Variants in GLRA3 observed in about 807,000 individuals in gnomAD.
The protein encoded by GLRA3 is glycine receptor subunit alpha-3.
GLRA3 carries 44 observed loss-of-function variants against 60.4 expected under a neutral mutation model. The observed-to-expected ratio is 0.73, with a 90% confidence interval of 0.57 to 0.94. GLRA3 has a LOEUF of 0.94. Among genes scored for constraint, GLRA3 ranks in the 40% least tolerant of loss-of-function variants. The probability of loss-of-function intolerance (pLI) is 0.00; values close to 1 mark genes in which losing one functional copy is unlikely to be tolerated. For synonymous variants in GLRA3, 223 were observed against 192.9 expected, an observed-to-expected ratio of 1.16 and a Z score of -1.29; for missense variants, 508 against 564.6, an observed-to-expected ratio of 0.90 and a Z score of 1.02.
At chr4:174,647,515 G>A (rs1732872613) in intron 9 of GLRA3, among the ~76,000 whole-genome samples, 1 of 151,914 alleles carries the variant, frequency 6.6e-6, no homozygotes, top group South Asian at 2.1e-4. Context: ...CAAAAGCCCA[G>A]TTGGTACTTG....
chr4:174,688,162 T>C (rs1734621410), intron 5 of GLRA3, among the ~76,000 whole-genome samples: 1 of 151,562 alleles, frequency 6.6e-6, no homozygotes, highest in Non-Finnish European at 1.5e-5. Context: ...TCTAAGTCAC[T>C]GACAAGTAGC....
chr4:174,699,855 CATTA>C (rs1489915272), intron 5 of GLRA3, among the ~76,000 whole-genome samples: 2 of 150,098 alleles, frequency 1.3e-5, no homozygotes, highest in Non-Finnish European at 3.0e-5. Flanking sequence ...ATAATTAATG[CATTA>C]ATTATTTAAT....
intron 9 of GLRA3, among the ~76,000 whole-genome samples, chr4:174,650,233 T>C (rs1218982459): frequency 6.6e-6 from 1 of 152,190 alleles, no homozygotes; most frequent in Non-Finnish European, 1.5e-5. Context: ...TGTGGCACTG[T>C]TAAAATTTGG....
At chr4:174,670,388 T>C (rs1252620441) in intron 7 of GLRA3, among the ~76,000 whole-genome samples, 1 of 152,140 alleles carries the variant, frequency 6.6e-6, no homozygotes, top group Non-Finnish European at 1.5e-5. Flanking sequence ...GTAAAGGTGT[T>C]TGTTTTACTC....
At chr4:174,826,471 A>T (rs984724007) in intron 1 of GLRA3, among the ~76,000 whole-genome samples, 2 of 152,158 alleles carry the variant, frequency 1.3e-5, no homozygotes, top group Non-Finnish European at 2.9e-5. Context: ...TGACAGTCAC[A>T]CTTCTACTTG....
chr4:174,664,023 C>T (rs1451884222), intron 7 of GLRA3, among the ~76,000 whole-genome samples: 1 of 152,160 alleles, frequency 6.6e-6, no homozygotes, highest in Non-Finnish European at 1.5e-5. Context: ...ACCTTTGTCC[C>T]AGAAACCACT....
At chr4:174,741,468 A>C (rs6851854) in intron 3 of GLRA3, among the ~76,000 whole-genome samples, 22,630 of 152,076 alleles carry the variant, frequency 0.15, 2,116 homozygotes, top group African/African-American at 0.27. Flanking sequence ...CTTTATAACT[A>C]TTCTGGATAC....
At chr4:174,647,458 A>C (rs1358584061) in intron 9 of GLRA3, among the ~76,000 whole-genome samples, 1 of 146,010 alleles carries the variant, frequency 6.8e-6, no homozygotes, top group Non-Finnish European at 1.5e-5. Context: ...GGAAAGAGAC[A>C]CAGCCAGTAA....
chr4:174,675,418 C>T (rs1297521636), intron 7 of GLRA3, among the ~76,000 whole-genome samples: 28 of 151,976 alleles, frequency 1.8e-4, no homozygotes, highest in Admixed American at 1.5e-3. Flanking sequence ...TCCATGCTCC[C>T]CCAATTCTAC....
rs553306775 is a variant in GLRA3 at position 174,689,756 on chromosome 4, T to TAAAAAAAAA, written c.575-6826_575-6818dup. On this transcript the variant is annotated intron_variant, in intron 5 of 9. Coordinates refer to ENST00000274093, the MANE Select transcript of GLRA3 (RefSeq NM_006529.4). ...AAAGGCACAGAGTGGTAAGTCGCAT[T>TAAAAAAAAA]AAAAAAAAAAAAAAAAAAAAAAAAA... 4.6e-4 allele frequency among the ~76,000 whole-genome samples: 18 copies of TAAAAAAAAA among 39,540 alleles called. 1 individual carries two copies. Among genetic ancestry groups the TAAAAAAAAA allele is most frequent in the African/African-American group, 8.5e-4 (8 of 9,364 alleles). 25.9% of individuals were successfully genotyped at this position (39,540 alleles called of 152,430 possible).
chr4:174,792,699 T>C (rs764844783), intron 1 of GLRA3, among the ~76,000 whole-genome samples: 6 of 152,192 alleles, frequency 3.9e-5, no homozygotes, highest in Non-Finnish European at 2.9e-5. Context: ...AAAAAATGAC[T>C]CTAAATGTTT....
At chr4:174,792,345 A>G (rs912734191) in intron 1 of GLRA3, among the ~76,000 whole-genome samples, 1 of 151,698 alleles carries the variant, frequency 6.6e-6, no homozygotes, top group African/African-American at 2.4e-5. Context: ...GTTTTTTTTT[A>G]ATGATCTTTT....
At chr4:174,671,906 C>T (rs1733923108) in intron 7 of GLRA3, among the ~76,000 whole-genome samples, 1 of 152,152 alleles carries the variant, frequency 6.6e-6, no homozygotes, top group Non-Finnish European at 1.5e-5. Context: ...CCGCTTCTGC[C>T]TCCCAAAGTG....
rs925757863 is a variant in GLRA3, at chr4:174,670,027, C to G, written c.927+7051G>C. Among the ~76,000 whole-genome samples, 4 of 152,314 alleles carry G rather than the reference C, an allele frequency of 2.6e-5. No homozygotes were observed. In the East Asian group the frequency reaches 7.7e-4, roughly 29 times the overall value. On this transcript the variant is annotated intron_variant, in intron 7 of 9. Coordinates refer to ENST00000274093, the MANE Select transcript of GLRA3 (RefSeq NM_006529.4). Reference sequence around the variant, plus strand: ...GAATTTTGAAAAGACACAGTTATCTCTGACTCCCACTTCAGTAACTGGAGT... The same window carrying G: ...GAATTTTGAAAAGACACAGTTATCTGTGACTCCCACTTCAGTAACTGGAGT...
chr4:174,783,678 T>G (rs967847518), intron 2 of GLRA3, among the ~76,000 whole-genome samples: 2 of 146,730 alleles, frequency 1.4e-5, no homozygotes, highest in African/African-American at 2.5e-5. Context: ...CAGACACTTC[T>G]CAAAAGAAGA....
intron 3 of GLRA3, among the ~76,000 whole-genome samples, chr4:174,738,628 A>T (rs2111163466): frequency 6.6e-6 from 1 of 152,284 alleles, no homozygotes; most frequent in South Asian, 2.1e-4. Flanking sequence ...AAGTATGATT[A>T]TTTCATTTCC....
chr4:174,661,241 C>G (rs1477822267), intron 7 of GLRA3, among the ~76,000 whole-genome samples: 1 of 152,006 alleles, frequency 6.6e-6, no homozygotes, highest in African/African-American at 2.4e-5. Flanking sequence ...TCTATCTATC[C>G]ATCTATCCAT....
At chr4:174,649,746 T>TGGACGCAAAACTCTATCCAAGAGTTCA (rs1268510300) in intron 9 of GLRA3, among the ~76,000 whole-genome samples, 1,661 of 152,142 alleles carry the variant, frequency 0.011, 43 homozygotes, top group African/African-American at 0.038. Flanking sequence ...TCAAGAGTTT[T>TGGACGCAAAACTCTATCCAAGAGTTCA]GGACGCAAAA....
chr4:174,767,865 A>AT (rs1738215595), intron 2 of GLRA3, among the ~76,000 whole-genome samples: 3 of 152,130 alleles, frequency 2.0e-5, no homozygotes, highest in Non-Finnish European at 4.4e-5. Flanking sequence ...TTGCAAGGAT[A>AT]TGTTAGAGCT....
Sources: gnomAD v4.1 joint callset for allele counts (sites outside exome capture counted in the v4.1 genomes callset) on GRCh38, gnomAD v4.1.1 for gene constraint, MANE v1.5 for transcripts, NCBI Gene and HGNC (gene_info 2026-07-23, HGNC 2026-07-21) for gene names.